The following KIRREL3 variants were observed in gnomAD, a reference collection of about 807,000 sequenced individuals.
The protein encoded by KIRREL3 is kin of IRRE-like protein 3.
KIRREL3 carries 36 observed loss-of-function variants against 89.7 expected under a neutral mutation model. The ratio of observed to expected loss-of-function variants is 0.40; its 90% CI spans 0.31 to 0.53. The LOEUF is 0.53. KIRREL3 is among the 20% of genes least tolerant of loss of function. KIRREL3 has a pLI of 0.49. For missense variants in KIRREL3, 864 were observed against 1,056.6 expected (o/e 0.82, Z 2.53); for synonymous variants, 445 against 441.4 (o/e 1.01, Z -0.10).
intron 1 of KIRREL3, among the ~76,000 whole-genome samples, chr11:126,649,146 A>T (rs1241770913): frequency 6.6e-6 from 1 of 152,172 alleles, no homozygotes; most frequent in African/African-American, 2.4e-5. Context: ...GTAAGGGGGA[A>T]ACCACCCTCA....
chr11:126,499,928 G>C lies in KIRREL3; in HGVS notation c.433+21387C>G, dbSNP rs550861068. On this transcript the variant is annotated intron_variant, in intron 4 of 16. Transcript: ENST00000525144. ...TCCTTTGGCAGTAAACTCCTTGAGG[G>C]CACAGAGGGCATTTTGCTATTTCTG... Among the ~76,000 whole-genome samples the C allele has an allele frequency of 4.6e-5, 7 of 152,288 alleles. No homozygotes were observed. In the South Asian group the frequency reaches 1.5e-3, roughly 32 times the overall value.
intron 1 of KIRREL3, among the ~76,000 whole-genome samples, chr11:126,894,803 A>G (rs1946085442): frequency 1.3e-5 from 2 of 152,070 alleles, no homozygotes; most frequent in South Asian, 4.2e-4. Flanking sequence ...TCCAGATGCT[A>G]TGAAGGAATA....
rs1022035456 is a variant in KIRREL3, at chr11:126,912,383, T to C, written c.55+88072A>G. On this transcript the variant is annotated intron_variant, in intron 1 of 16. Coordinates refer to ENST00000525144, the MANE Select transcript of KIRREL3 (RefSeq NM_032531.4). This position sits in a 1 kb window ranked among gnomAD's most constrained non-coding sequence, Gnocchi z 4.7. ...CCTCCCTGGGCCATGTCTCTCACCT[T>C]TTGTGGTAATTCTTCACTTCTCTCC... Among the ~76,000 whole-genome samples the C allele has an allele frequency of 2.0e-5, 3 of 152,076 alleles. No homozygotes were observed. The highest frequency in any genetic ancestry group is 6.5e-5 in the Admixed American group (1 of 15,282).
intron 1 of KIRREL3, among the ~76,000 whole-genome samples, chr11:126,630,977 TC>T (rs1334902718): frequency 6.6e-6 from 1 of 152,142 alleles, no homozygotes; most frequent in Admixed American, 6.5e-5. Flanking sequence ...CCTTGACACG[TC>T]CTGCCTAAAG....
In KIRREL3 at chr11:126,594,906, C is replaced by T; in HGVS notation, c.56-31994G>A. On this transcript the variant is annotated intron_variant, in intron 1 of 16. Transcript: ENST00000525144. The surrounding 1 kb of genome is among the most constrained non-coding windows in gnomAD (Gnocchi z 5.0). ...TTTTGCCCCAGTTGGCCTTCCGCCCCTGGGAGGGGGAACAATGTCTCCTGG... is the reference window on the plus strand; with the variant it reads ...TTTTGCCCCAGTTGGCCTTCCGCCCTTGGGAGGGGGAACAATGTCTCCTGG... Among the ~76,000 whole-genome samples, 1 of 152,252 alleles carries T rather than the reference C, an allele frequency of 6.6e-6. No homozygotes were observed. The highest frequency in any genetic ancestry group is 1.9e-4 in the East Asian group (1 of 5,196).
chr11:126,505,083 C>T (rs1957979773), intron 4 of KIRREL3, among the ~76,000 whole-genome samples: 2 of 152,136 alleles, frequency 1.3e-5, no homozygotes, highest in Admixed American at 6.5e-5. Context: ...ATGCTTTCCC[C>T]TAAGATTGGA....
Position 126,523,714 on chromosome 11 carries a change from T to A in KIRREL3, c.284-2250A>T, listed in dbSNP as rs1466795219. Among the ~76,000 whole-genome samples, 1 of 152,178 alleles carries A rather than the reference T, an allele frequency of 6.6e-6. No individual in the cohort carries two copies. Among genetic ancestry groups the A allele is most frequent in the Non-Finnish European group, 1.5e-5 (1 of 68,022 alleles). On this transcript the variant is annotated intron_variant, in intron 3 of 16. Transcript: ENST00000525144. The surrounding 1 kb of genome is among the most constrained non-coding windows in gnomAD (Gnocchi z 4.9). ...ATGGGTTCTAGCCCAATCCTCTCCC[T>A]GCTGCCGCTGCCTTCCTTGTAGCTG...
chr11:126,688,108 A>G (rs1946736180), intron 1 of KIRREL3, among the ~76,000 whole-genome samples: 1 of 152,214 alleles, frequency 6.6e-6, no homozygotes, highest in Admixed American at 6.5e-5. Flanking sequence ...GGGCTTGAAG[A>G]TGGATGGAGG....
rs986551896 is a variant in KIRREL3, at chr11:126,558,332, A to C, written c.133+4503T>G. ...CCAGGTCTCCCCTGATTTTCTGCAA[A>C]TCAACTCAAGTTTTCCCTGTGTTCT... On this transcript the variant is annotated intron_variant, in intron 2 of 16. Transcript: ENST00000525144. The surrounding 1 kb of genome is among the most constrained non-coding windows in gnomAD (Gnocchi z 4.0). Among the ~76,000 whole-genome samples the C allele has an allele frequency of 6.6e-6, 1 of 152,082 alleles. No homozygotes were observed. Among genetic ancestry groups the C allele is most frequent in the Non-Finnish European group, 1.5e-5 (1 of 68,030 alleles).
chr11:126,570,320 TA>T lies in KIRREL3; in HGVS notation c.56-7409del, dbSNP rs1310394442. Among the ~76,000 whole-genome samples the T allele has an allele frequency of 6.6e-6, 1 of 152,244 alleles. No individual in the cohort carries two copies. Among genetic ancestry groups the T allele is most frequent in the Non-Finnish European group, 1.5e-5 (1 of 68,046 alleles). ...CATTCATATTATCAATTAGTTGTTTTAAACTATTGATTTGTATTTAATTAAC... is the reference window on the plus strand; with the variant it reads ...CATTCATATTATCAATTAGTTGTTTTAACTATTGATTTGTATTTAATTAAC... On this transcript the variant is annotated intron_variant, in intron 1 of 16. Coordinates refer to ENST00000525144, the MANE Select transcript of KIRREL3 (RefSeq NM_032531.4). This position sits in a 1 kb window ranked among gnomAD's most constrained non-coding sequence, Gnocchi z 6.1.
intron 1 of KIRREL3, among the ~76,000 whole-genome samples, chr11:126,789,697 A>G (rs911792814): frequency 6.6e-6 from 1 of 152,134 alleles, no homozygotes; most frequent in Non-Finnish European, 1.5e-5. Flanking sequence ...GCCTAGTCCA[A>G]ACTTCTCCAG....
In KIRREL3 at chr11:126,888,167, G is replaced by GA. The variant is rs1467165406; in HGVS notation, c.55+112287dup. 1.4e-4 allele frequency among the ~76,000 whole-genome samples: 22 copies of GA among 152,246 alleles called. 1 individual carries two copies. Among genetic ancestry groups the GA allele is most frequent in the Admixed American group, 1.4e-3 (22 of 15,288 alleles). ...ACATACTGGAGTGAGGCAGGTGTGTGATCAAGTGGGCTGAATTGATTGCCA... is the reference window on the plus strand; with the variant it reads ...ACATACTGGAGTGAGGCAGGTGTGTGAATCAAGTGGGCTGAATTGATTGCCA... On this transcript the variant is annotated intron_variant, in intron 1 of 16. Coordinates refer to ENST00000525144, the MANE Select transcript of KIRREL3 (RefSeq NM_032531.4).
intron 1 of KIRREL3, among the ~76,000 whole-genome samples, chr11:126,952,495 G>A (rs1016804937): frequency 2.0e-5 from 3 of 152,040 alleles, no homozygotes; most frequent in Non-Finnish European, 4.4e-5. Flanking sequence ...TTTGTCAGAC[G>A]AATAGATTGC....
chr11:126,799,489 T>TATATCTGTGTGTGCATGTGC (rs1950963320), intron 1 of KIRREL3, among the ~76,000 whole-genome samples: 2 of 151,770 alleles, frequency 1.3e-5, no homozygotes, highest in African/African-American at 4.8e-5. Context: ...TGTGCATGTG[T>TATATCTGTGTGTGCATGTGC]GTCAGCTATC....
At chr11:126,858,240 C>T (rs1426537768) in intron 1 of KIRREL3, among the ~76,000 whole-genome samples, 5 of 152,184 alleles carry the variant, frequency 3.3e-5, no homozygotes, top group Middle Eastern at 3.2e-3. Flanking sequence ...ACGCACATCC[C>T]GTTGACGGCT....
rs1407840439 is a variant in KIRREL3 at position 126,624,752 on chromosome 11, GTC to G, written c.56-61842_56-61841del. 6.6e-6 allele frequency among the ~76,000 whole-genome samples: 1 copy of G among 152,228 alleles called. No homozygotes were observed. Among genetic ancestry groups the G allele is most frequent in the Admixed American group, 6.5e-5 (1 of 15,294 alleles). On this transcript the variant is annotated intron_variant, in intron 1 of 16. Coordinates refer to ENST00000525144, the MANE Select transcript of KIRREL3 (RefSeq NM_032531.4). This position sits in a 1 kb window ranked among gnomAD's most constrained non-coding sequence, Gnocchi z 6.0. The stretch of plus-strand genomic sequence containing the variant: ...TAATTCCCGAGCATCAATAACGTGT[GTC>G]ATGATGTAATGCAGGGAGACCTCCA...
rs1944738875 is a variant in KIRREL3, at chr11:126,647,568, G to C, written c.56-84656C>G. 6.6e-6 allele frequency among the ~76,000 whole-genome samples: 1 copy of C among 152,224 alleles called. No individual in the cohort carries two copies. Among genetic ancestry groups the C allele is most frequent in the African/African-American group, 2.4e-5 (1 of 41,456 alleles). On this transcript the variant is annotated intron_variant, in intron 1 of 16. Coordinates refer to ENST00000525144, the MANE Select transcript of KIRREL3 (RefSeq NM_032531.4). This position sits in a 1 kb window ranked among gnomAD's most constrained non-coding sequence, Gnocchi z 4.9. ...TCTGCTGGGAGCCCAAAAGTTTACA[G>C]CGAAGATCAAATCTGTCAGCAAATC...
intron 4 of KIRREL3, among the ~76,000 whole-genome samples, chr11:126,478,673 GTGTA>G (rs1293491125): frequency 6.6e-6 from 1 of 152,110 alleles, no homozygotes; most frequent in Non-Finnish European, 1.5e-5. Context: ...ATATATGTAT[GTGTA>G]TGTATGTGCA....
intron 1 of KIRREL3, among the ~76,000 whole-genome samples, chr11:126,803,458 GA>G (rs1035195792): frequency 6.6e-6 from 1 of 151,594 alleles, no homozygotes; most frequent in Non-Finnish European, 1.5e-5. Flanking sequence ...ACCTTCCAAA[GA>G]AAAAAATATA....
Sources: allele counts gnomAD v4.1 joint callset (sites outside exome capture counted in the v4.1 genomes callset), GRCh38; gene constraint gnomAD v4.1.1; non-coding constraint Gnocchi (gnomAD v3.1); transcripts MANE v1.5; gene names NCBI Gene and HGNC (gene_info 2026-07-23, HGNC 2026-07-21).